PRLR: variants seen among roughly 807,000 people sequenced by gnomAD.
The protein encoded by PRLR is prolactin receptor.
In PRLR, 13 loss-of-function variants were observed where a neutral mutation model predicts 40.2. That is an observed-to-expected ratio of 0.32 (90% CI 0.21 to 0.51). The LOEUF is 0.51. Among genes scored for constraint, PRLR ranks in the 20% least tolerant of loss-of-function variants. The pLI is 0.97. For synonymous variants in PRLR, 269 were observed against 278.7 expected, an observed-to-expected ratio of 0.97 and a Z score of 0.35; for missense variants, 656 against 747.3, an observed-to-expected ratio of 0.88 and a Z score of 1.42.
intron 1 of PRLR, among the ~76,000 whole-genome samples, chr5:35,178,210 C>T (rs181267293): frequency 1.1e-4 from 17 of 152,180 alleles, no homozygotes; most frequent in South Asian, 4.1e-4. Context: ...CAAATTTTTG[C>T]GACTCAGTTG....
chr5:35,082,756 G>A (rs1010385551), intron 5 of PRLR, among the ~76,000 whole-genome samples: 7 of 152,106 alleles, frequency 4.6e-5, no homozygotes, highest in African/African-American at 1.4e-4. Context: ...AAAATGTACC[G>A]TGCATTTTAA....
At chr5:35,150,415 T>C (rs1432034039) in intron 1 of PRLR, among the ~76,000 whole-genome samples, 1 of 152,244 alleles carries the variant, frequency 6.6e-6, no homozygotes, top group East Asian at 1.9e-4. Flanking sequence ...ATAAGAGCCT[T>C]CTGCCTAGAC....
chr5:35,049,932 A>G (rs1768433095), intron 8 of PRLR, among the ~76,000 whole-genome samples: 1 of 136,880 alleles, frequency 7.3e-6, no homozygotes, highest in East Asian at 2.1e-4. Flanking sequence ...TTTGAGACAG[A>G]GTTTCGCACT....
chr5:35,180,362 A>T (rs1256133872), intron 1 of PRLR, among the ~76,000 whole-genome samples: 3 of 152,096 alleles, frequency 2.0e-5, no homozygotes, highest in African/African-American at 7.2e-5. Context: ...TCTTCGTGAT[A>T]GTGAGTGACT....
At chr5:35,123,972 C>T (rs978459586) in intron 1 of PRLR, among the ~76,000 whole-genome samples, 2 of 152,016 alleles carry the variant, frequency 1.3e-5, no homozygotes, top group African/African-American at 4.8e-5. Context: ...TATAACAGAG[C>T]TGGGGGAAGA....
At position 35,222,305 on chromosome 5, in the gene PRLR, GAA is replaced by G. The variant is rs33922370; in HGVS notation, c.-106+7961_-106+7962del. Among the ~76,000 whole-genome samples the G allele has an allele frequency of 6.2e-3, 934 of 149,890 alleles. 10 individuals carry two copies. Among genetic ancestry groups the G allele is most frequent in the African/African-American group, 0.022 (890 of 40,838 alleles). On this transcript the variant is annotated intron_variant, in intron 1 of 9. Coordinates refer to ENST00000618457, the MANE Select transcript of PRLR (RefSeq NM_000949.7). ...AGACAGAGCAAGACTCCATCCAAAAGAAAAAAAAAAAGCAGCTGTTTAAAATG... is the reference window on the plus strand; with the variant it reads ...AGACAGAGCAAGACTCCATCCAAAAGAAAAAAAAAGCAGCTGTTTAAAATG...
At chr5:35,164,391 A>C (rs1435120874) in intron 1 of PRLR, among the ~76,000 whole-genome samples, 1 of 152,206 alleles carries the variant, frequency 6.6e-6, no homozygotes, top group Non-Finnish European at 1.5e-5. Context: ...GGGATCTCTG[A>C]ATATGAACCA....
intron 5 of PRLR, among the ~76,000 whole-genome samples, chr5:35,078,751 A>C (rs1241425429): frequency 6.6e-6 from 1 of 152,192 alleles, no homozygotes; most frequent in Non-Finnish European, 1.5e-5. Flanking sequence ...CAGAGACACA[A>C]CCAAAAAAGA....
intron 1 of PRLR, among the ~76,000 whole-genome samples, chr5:35,189,764 A>T (rs1238513639): frequency 3.9e-5 from 6 of 152,108 alleles, no homozygotes; most frequent in African/African-American, 9.7e-5. Context: ...CTTCAGCCTT[A>T]GGTTCGTTAT....
At chr5:35,131,466 G>C (rs566419263) in intron 1 of PRLR, among the ~76,000 whole-genome samples, 1 of 152,202 alleles carries the variant, frequency 6.6e-6, no homozygotes, top group South Asian at 2.1e-4. Context: ...CAGTGGGCTG[G>C]TAAGAAGAAC....
chr5:35,156,897 C>T (rs1774525923), intron 1 of PRLR, among the ~76,000 whole-genome samples: 1 of 152,028 alleles, frequency 6.6e-6, no homozygotes, highest in Non-Finnish European at 1.5e-5. Flanking sequence ...ATTACACATG[C>T]TGGGTGGGTC....
intron 1 of PRLR, among the ~76,000 whole-genome samples, chr5:35,223,538 C>T (rs1776473973): frequency 6.6e-6 from 1 of 152,202 alleles, no homozygotes; most frequent in Non-Finnish European, 1.5e-5. Flanking sequence ...ATTTCCACTG[C>T]CACACCACTG....
intron 1 of PRLR, among the ~76,000 whole-genome samples, chr5:35,170,388 T>C (rs182755889): frequency 2.0e-5 from 3 of 152,314 alleles, no homozygotes; most frequent in Admixed American, 2.0e-4. Context: ...CTTTATTCAT[T>C]TGCATCATTT....
intron 1 of PRLR, among the ~76,000 whole-genome samples, chr5:35,213,079 A>G (rs1416238924): frequency 7.9e-5 from 12 of 152,214 alleles, no homozygotes; most frequent in Admixed American, 7.9e-4. Flanking sequence ...TGCTTGAATA[A>G]TCAGAGCTAC....
chr5:35,076,098 A>T (rs1022228260), intron 5 of PRLR, among the ~76,000 whole-genome samples: 2 of 152,268 alleles, frequency 1.3e-5, no homozygotes, highest in Non-Finnish European at 2.9e-5. Flanking sequence ...AAACCAGAGC[A>T]GAAAAGCTGA....
chr5:35,184,180 G>T (rs1406251731), intron 1 of PRLR, among the ~76,000 whole-genome samples: 1 of 152,200 alleles, frequency 6.6e-6, no homozygotes, highest in African/African-American at 2.4e-5. Flanking sequence ...GTTATCCTCA[G>T]AAGAGTATTT....
chr5:35,171,912 CAA>C (rs906327422), intron 1 of PRLR, among the ~76,000 whole-genome samples: 2 of 151,826 alleles, frequency 1.3e-5, no homozygotes, highest in African/African-American at 4.8e-5. Context: ...TTTTGTGATG[CAA>C]AAAAGTCTCA....
In PRLR at chr5:35,087,057, G is replaced by C. The variant is rs535836174; in HGVS notation, c.71-717C>G. ...CGCCCAGGCTGGAGTGCAGTGGTGC[G>C]ATCTTGGCTCACTGCAACCTCCACC... On this transcript the variant is annotated intron_variant, in intron 3 of 9. Coordinates refer to ENST00000618457, the MANE Select transcript of PRLR (RefSeq NM_000949.7). Among the ~76,000 whole-genome samples the C allele has an allele frequency of 2.0e-5, 3 of 151,926 alleles. No individual in the cohort carries two copies. In the South Asian group the frequency reaches 6.2e-4, roughly 32 times the overall value.
intron 5 of PRLR, among the ~76,000 whole-genome samples, chr5:35,077,948 A>T (rs1386449226): frequency 6.6e-6 from 1 of 152,246 alleles, no homozygotes; most frequent in African/African-American, 2.4e-5. Context: ...CTGCTCCTGA[A>T]TCACTACTGG....
Sources: gnomAD v4.1 joint callset for allele counts (sites outside exome capture counted in the v4.1 genomes callset) on GRCh38, gnomAD v4.1.1 for gene constraint, MANE v1.5 for transcripts, NCBI Gene and HGNC (gene_info 2026-07-23, HGNC 2026-07-21) for gene names.